SH3KBP1: variants seen among roughly 807,000 people sequenced by gnomAD.
SH3KBP1 encodes SH3 domain containing kinase binding protein 1.
In SH3KBP1, 8 loss-of-function variants were observed where a neutral mutation model predicts 50.1. The ratio of observed to expected loss-of-function variants is 0.16; its 90% CI spans 0.09 to 0.29. The LOEUF is 0.29. Ranked by LOEUF, SH3KBP1 falls within the 10% of genes least tolerant of loss-of-function variation. The pLI is 1.00. For missense variants in SH3KBP1, 377 were observed against 535.2 expected (o/e 0.70, Z 2.92); for synonymous variants, 227 against 218.6 (o/e 1.04, Z -0.34).
chrX:19,559,758 T>G (rs2147758212), intron 13 of SH3KBP1, among the ~76,000 whole-genome samples: 1 of 111,368 alleles, frequency 9.0e-6, no homozygotes, highest in South Asian at 3.8e-4. Flanking sequence ...ACCAAACAAC[T>G]TAGTGGGTAC....
At chrX:19,877,571 G>T (rs1049555421) in intron 1 of SH3KBP1, among the ~76,000 whole-genome samples, 8 of 111,738 alleles carry the variant, frequency 7.2e-5, no homozygotes, top group Non-Finnish European at 1.1e-4. Context: ...GCTAAAACTG[G>T]TGCAGCCCCA....
intron 6 of SH3KBP1, among the ~76,000 whole-genome samples, chrX:19,667,602 C>A (rs2062630261): frequency 9.0e-6 from 1 of 111,318 alleles, no homozygotes; most frequent in Admixed American, 9.5e-5. Flanking sequence ...GCACTCCAGC[C>A]TGGGTGACAG....
intron 7 of SH3KBP1, among the ~76,000 whole-genome samples, chrX:19,640,481 G>A: frequency 9.2e-6 from 1 of 108,307 alleles, no homozygotes; most frequent in Middle Eastern, 4.8e-3. Flanking sequence ...CTCAAAATCT[G>A]CAACGACTTT....
chrX:19,855,858 C>T (rs754702647), intron 1 of SH3KBP1, among the ~76,000 whole-genome samples: 1 of 111,046 alleles, frequency 9.0e-6, no homozygotes, highest in South Asian at 3.7e-4. Context: ...AACTGCGTGC[C>T]AGAAAGGATT....
intron 3 of SH3KBP1, among the ~76,000 whole-genome samples, chrX:19,713,623 T>C (rs1228103643): frequency 9.0e-6 from 1 of 111,392 alleles, no homozygotes; most frequent in South Asian, 3.7e-4. Flanking sequence ...ACATGTGATA[T>C]TTTGTTCCAT....
At chrX:19,776,532 GTTTTTT>G (rs72090569) in intron 2 of SH3KBP1, among the ~76,000 whole-genome samples, 6 of 25,681 alleles carry the variant, frequency 2.3e-4, no homozygotes, top group African/African-American at 6.7e-4. Flanking sequence ...TGACAACCTG[GTTTTTT>G]TTTTTTTTTT....
At chrX:19,594,764 T>C in intron 10 of SH3KBP1, among the ~76,000 whole-genome samples, 185 bp downstream of exon 10, 1 of 112,020 alleles carries the variant, frequency 8.9e-6, no homozygotes, top group Non-Finnish European at 1.9e-5. Flanking sequence ...TTTAATGGTA[T>C]GTTTATCTTT....
chrX:19,673,065 C>CAAAAAAAAAAAAAAAAAAAAAAAAAA (rs1174045446), intron 6 of SH3KBP1, among the ~76,000 whole-genome samples: 1 of 37,338 alleles, frequency 2.7e-5, no homozygotes, highest in Non-Finnish European at 5.1e-5. Context: ...GATTCTGTCT[C>CAAAAAAAAAAAAAAAAAAAAAAAAAA]AAAAAAAAAA....
At chrX:19,591,955 T>G (rs2066760747) in intron 11 of SH3KBP1, 112 bp downstream of exon 11, 1 of 599,039 alleles carries the variant, frequency 1.7e-6, no homozygotes, top group Admixed American at 2.4e-5. Context: ...AAAACCATGA[T>G]CACCATATTC....
chrX:19,797,890 AACACACACACAC>A (rs60418789), intron 2 of SH3KBP1, among the ~76,000 whole-genome samples: 8 of 97,395 alleles, frequency 8.2e-5, no homozygotes, highest in East Asian at 3.2e-4. Context: ...AAGTGCCCTA[AACACACACACAC>A]ACACACACAC....
At chrX:19,694,903 T>C (rs933555249) in intron 5 of SH3KBP1, 15 of 770,113 alleles carry the variant, frequency 1.9e-5, no homozygotes, top group Middle Eastern at 3.2e-4. Context: ...ACAACATTCA[T>C]GCCCATGACC....
intron 9 of SH3KBP1, chrX:19,601,624 G>C (rs1022629346): frequency 1.8e-5 from 2 of 111,610 alleles, no homozygotes; most frequent in Admixed American, 1.9e-4. Context: ...ATCCCACTAA[G>C]TTCTCTGGCG....
intron 12 of SH3KBP1, among the ~76,000 whole-genome samples, chrX:19,582,286 C>T (rs1481006557): frequency 8.9e-6 from 1 of 111,975 alleles, no homozygotes; most frequent in Non-Finnish European, 1.9e-5. Flanking sequence ...CACCTGCTAC[C>T]ACACTGTCAA....
At chrX:19,636,140 C>CA (rs962506621) in intron 7 of SH3KBP1, among the ~76,000 whole-genome samples, 7 of 110,154 alleles carry the variant, frequency 6.4e-5, no homozygotes, top group Non-Finnish European at 1.3e-4. Flanking sequence ...GACACACACA[C>CA]ATAGAGAGAG....
intron 2 of SH3KBP1, among the ~76,000 whole-genome samples, chrX:19,806,174 T>C (rs1172987672): frequency 9.0e-6 from 1 of 111,451 alleles, no homozygotes; most frequent in Non-Finnish European, 1.9e-5. Flanking sequence ...AACACTACTA[T>C]AGAAAAAGTA....
chrX:19,856,264 A>G (rs1038901028), intron 1 of SH3KBP1, among the ~76,000 whole-genome samples: 6 of 112,065 alleles, frequency 5.4e-5, no homozygotes, highest in Middle Eastern at 4.2e-3. Context: ...TTCTAAATCA[A>G]TAACTGCAAC....
intron 3 of SH3KBP1, among the ~76,000 whole-genome samples, chrX:19,709,781 T>C (rs2063734800): frequency 8.9e-6 from 1 of 111,974 alleles, no homozygotes; most frequent in Non-Finnish European, 1.9e-5. Flanking sequence ...GGGGGATGCT[T>C]GAAGTTGGGA....
intron 2 of SH3KBP1, among the ~76,000 whole-genome samples, chrX:19,807,261 A>T (rs7888709): frequency 9.0e-6 from 1 of 111,688 alleles, no homozygotes; most frequent in African/African-American, 3.3e-5. Flanking sequence ...ATTCTTACAC[A>T]TGTTTAAAGA....
intron 2 of SH3KBP1, among the ~76,000 whole-genome samples, chrX:19,769,148 G>A (rs1434671605): frequency 9.9e-6 from 1 of 101,097 alleles, no homozygotes; most frequent in Non-Finnish European, 2.0e-5. Flanking sequence ...GCAGTGGCTC[G>A]ATCTCAGCTC....
Sources: allele counts gnomAD v4.1 joint callset (sites outside exome capture counted in the v4.1 genomes callset), GRCh38; gene constraint gnomAD v4.1.1; transcripts MANE v1.5; gene names NCBI Gene and HGNC (gene_info 2026-07-23, HGNC 2026-07-21).